The following KHDRBS3 variants were observed in gnomAD, a reference collection of about 807,000 sequenced individuals.
KHDRBS3 encodes the protein KH domain-containing, RNA-binding, signal transduction-associated protein 3.
A neutral mutation model predicts 45.6 loss-of-function variants in KHDRBS3; 23 were observed. That is an observed-to-expected ratio of 0.50 (90% CI 0.36 to 0.72). The LOEUF (loss-of-function observed/expected upper bound fraction) is 0.72. Among genes scored for constraint, KHDRBS3 ranks in the 30% least tolerant of loss-of-function variants. KHDRBS3 has a pLI of 0.00. For synonymous variants in KHDRBS3, 162 were observed against 156.5 expected (o/e 1.04, Z -0.26); for missense variants, 352 against 424.8 (o/e 0.83, Z 1.51).
intron 7 of KHDRBS3, among the ~76,000 whole-genome samples, chr8:135,637,478 T>C (rs927128675): frequency 1.3e-5 from 2 of 152,170 alleles, no homozygotes; most frequent in Non-Finnish European, 2.9e-5. Context: ...AATTTTATCA[T>C]GACGATTACA....
In KHDRBS3 at chr8:135,606,990, A is replaced by G; in HGVS notation, c.843A>G (p.Glu281=). 6.2e-7 allele frequency: 1 copy of G among 1,613,700 alleles called. No individual in the cohort carries two copies. ...YDDGYGTAYD[E]QSYDSYDNSY... is the part of the protein sequence containing the mutation. ...ATGGATATGGCACTGCTTATGATGA[A>G]CAGAGTTATGATTCCTATGATAACA... is the stretch of plus-strand genomic sequence containing the variant. Residue 281 remains glutamate, a synonymous_variant, in exon 7 of 9, where the codon GAA becomes GAG. Transcript: ENST00000355849.
At chr8:135,608,132 A>G (rs976067544) in intron 7 of KHDRBS3, among the ~76,000 whole-genome samples, 1 of 152,128 alleles carries the variant, frequency 6.6e-6, no homozygotes, top group African/African-American at 2.4e-5. Flanking sequence ...TATCCCAGCA[A>G]CTTTATGAAG....
rs59502823 is a variant in KHDRBS3 at position 135,515,365 on chromosome 8, T to TAAAAAAAAAAAAAAAAAAAAAA, written c.89-5856_89-5835dup. Among the ~76,000 whole-genome samples, 9 of 39,740 alleles carry TAAAAAAAAAAAAAAAAAAAAAA rather than the reference T, an allele frequency of 2.3e-4. 1 individual carries two copies. Among genetic ancestry groups the TAAAAAAAAAAAAAAAAAAAAAA allele is most frequent in the Admixed American group, 8.5e-4 (2 of 2,344 alleles). 26.1% of individuals were successfully genotyped at this position (39,740 alleles called of 152,430 possible). On this transcript the variant is annotated intron_variant, in intron 1 of 8. Transcript: ENST00000355849. ...TGGGCGACAGAGCGAGACTCCGTCT[T>TAAAAAAAAAAAAAAAAAAAAAA]AAAAAAAAAAAAAAAAAAAAAAAAA... is the stretch of plus-strand genomic sequence containing the variant.
chr8:135,634,127 A>G (rs1210214971), intron 7 of KHDRBS3, among the ~76,000 whole-genome samples: 1 of 152,212 alleles, frequency 6.6e-6, no homozygotes. Context: ...TTCTGTTGTA[A>G]ACTGGGATTT....
At chr8:135,602,638 A>T (rs924776611) in intron 6 of KHDRBS3, among the ~76,000 whole-genome samples, 3 of 152,206 alleles carry the variant, frequency 2.0e-5, no homozygotes, top group Non-Finnish European at 4.4e-5. Context: ...CAGAAATAGA[A>T]TTCTTTGAAG....
intron 2 of KHDRBS3, among the ~76,000 whole-genome samples, chr8:135,523,232 A>C (rs376671947): frequency 6.6e-6 from 1 of 152,210 alleles, no homozygotes; most frequent in Non-Finnish European, 1.5e-5. Flanking sequence ...ATCGCATTGC[A>C]TCTGTTGAGC....
At chr8:135,548,203 A>C (rs1430724713) in intron 3 of KHDRBS3, among the ~76,000 whole-genome samples, 1 of 152,192 alleles carries the variant, frequency 6.6e-6, no homozygotes, top group Non-Finnish European at 1.5e-5. Context: ...ACTTCTCTAG[A>C]CATGGAAAAT....
At chr8:135,477,545 G>T (rs778472251) in intron 1 of KHDRBS3, among the ~76,000 whole-genome samples, 1 of 152,236 alleles carries the variant, frequency 6.6e-6, no homozygotes, top group Non-Finnish European at 1.5e-5. Flanking sequence ...AACCTGATGA[G>T]CTCAGTGACA....
At chr8:135,503,895 T>C (rs1209436369) in intron 1 of KHDRBS3, among the ~76,000 whole-genome samples, 1 of 152,198 alleles carries the variant, frequency 6.6e-6, no homozygotes, top group East Asian at 1.9e-4. Flanking sequence ...GTTATATTCA[T>C]ATTTAAATTT....
intron 7 of KHDRBS3, among the ~76,000 whole-genome samples, chr8:135,638,858 G>A (rs1292342383): frequency 1.6e-5 from 2 of 125,850 alleles, no homozygotes; most frequent in African/African-American, 5.0e-5. Flanking sequence ...CTACTCGGAC[G>A]GCTGAGGCAG....
chr8:135,479,372 A>G (rs1216840297), intron 1 of KHDRBS3, among the ~76,000 whole-genome samples: 2 of 152,242 alleles, frequency 1.3e-5, no homozygotes, highest in African/African-American at 4.8e-5. Flanking sequence ...GCAAACATGT[A>G]AGGCAAAATT....
At position 135,528,457 on chromosome 8, in the gene KHDRBS3, G is replaced by A. The variant is rs982074906; in HGVS notation, c.207+7102G>A. ...TTACAGTCATAGAGATATGTTAAAT[G>A]TTGCCATTTTTGTTGCTCCTGTTTG... On this transcript the variant is annotated intron_variant, in intron 2 of 8. Transcript: ENST00000355849. Among the ~76,000 whole-genome samples the A allele has an allele frequency of 3.3e-5, 5 of 152,142 alleles. No individual in the cohort carries two copies. In the East Asian group the frequency reaches 9.6e-4, roughly 29 times the overall value.
chr8:135,638,078 A>G (rs1479422583), intron 7 of KHDRBS3, among the ~76,000 whole-genome samples: 1 of 152,218 alleles, frequency 6.6e-6, no homozygotes, highest in Non-Finnish European at 1.5e-5. Flanking sequence ...ATTCAAGAGA[A>G]GGGTGCTACA....
chr8:135,531,623 A>G (rs186084228), intron 2 of KHDRBS3, among the ~76,000 whole-genome samples: 1 of 152,350 alleles, frequency 6.6e-6, no homozygotes, highest in African/African-American at 2.4e-5. Flanking sequence ...TAAAGATTGA[A>G]TTAATATTAC....
intron 8 of KHDRBS3, among the ~76,000 whole-genome samples, chr8:135,646,642 C>T (rs1396774709): frequency 3.3e-5 from 5 of 152,128 alleles, no homozygotes; most frequent in African/African-American, 1.2e-4. Context: ...CTTTTTCACT[C>T]ATAAATGTCC....
chr8:135,466,985 A>G (rs1426919467), intron 1 of KHDRBS3, among the ~76,000 whole-genome samples: 1 of 152,242 alleles, frequency 6.6e-6, no homozygotes, highest in Non-Finnish European at 1.5e-5. Context: ...CTAAAAGAGT[A>G]TAATTGGATT....
At chr8:135,629,415 A>G (rs1398102681) in intron 7 of KHDRBS3, among the ~76,000 whole-genome samples, 1 of 152,228 alleles carries the variant, frequency 6.6e-6, no homozygotes, top group Non-Finnish European at 1.5e-5. Flanking sequence ...TATAAGCCAG[A>G]TTTATTCATT....
intron 1 of KHDRBS3, among the ~76,000 whole-genome samples, chr8:135,490,613 T>C (rs368549501): frequency 9.2e-5 from 14 of 152,198 alleles, no homozygotes; most frequent in Admixed American, 4.6e-4. Context: ...TAGTAATAAA[T>C]GAAAATAATA....
chr8:135,582,163 A>G, intron 6 of KHDRBS3, 90 bp downstream of exon 6: 3 of 1,268,652 alleles, frequency 2.4e-6, no homozygotes, highest in East Asian at 2.7e-5. Flanking sequence ...ACGCTTCCTC[A>G]CCTTGTTTTG....
Sources: allele counts gnomAD v4.1 joint callset (sites outside exome capture counted in the v4.1 genomes callset), GRCh38; gene constraint gnomAD v4.1.1; transcripts MANE v1.5; gene names NCBI Gene and HGNC (gene_info 2026-07-23, HGNC 2026-07-21).